The following ASAP1 variants were observed in gnomAD, a reference collection of about 807,000 sequenced individuals.
ASAP1 encodes arf-GAP with SH3 domain, ANK repeat and PH domain-containing protein 1.
Under a neutral mutation model 145.2 loss-of-function variants are expected in ASAP1, and 43 were observed. The observed-to-expected ratio is 0.30, with a 90% CI of 0.23 to 0.38. The LOEUF (loss-of-function observed/expected upper bound fraction) is 0.38. ASAP1 is among the 10% of genes least tolerant of loss of function. The pLI, the probability that ASAP1 is intolerant of heterozygous loss-of-function variation, is 1.00. For synonymous variants in ASAP1, 546 were observed against 515.5 expected, an observed-to-expected ratio of 1.06 and a Z score of -0.80; for missense variants, 1,018 against 1,355.3, an observed-to-expected ratio of 0.75 and a Z score of 3.91.
At chr8:130,338,216 G>A (rs956674668) in intron 3 of ASAP1, among the ~76,000 whole-genome samples, 4 of 152,286 alleles carry the variant, frequency 2.6e-5, no homozygotes, top group South Asian at 2.1e-4. Flanking sequence ...AGGTGATGCT[G>A]GCAGCAGATG....
chr8:130,363,346 C>T (rs1041003876), intron 2 of ASAP1, among the ~76,000 whole-genome samples: 7 of 151,776 alleles, frequency 4.6e-5, no homozygotes, highest in African/African-American at 9.7e-5. Context: ...GACAACATGG[C>T]GAGACTGCAT....
intron 3 of ASAP1, among the ~76,000 whole-genome samples, chr8:130,248,961 C>CA (rs1046132665): frequency 6.6e-6 from 1 of 152,092 alleles, no homozygotes; most frequent in African/African-American, 2.4e-5. Context: ...ACAGGGGTCT[C>CA]ACTATGTTAA....
chr8:130,347,739 G>A (rs546881450), intron 3 of ASAP1, among the ~76,000 whole-genome samples: 7 of 152,278 alleles, frequency 4.6e-5, no homozygotes, highest in East Asian at 1.9e-4. Flanking sequence ...AGATATCCTC[G>A]CCTCAGAATC....
intron 24 of ASAP1, among the ~76,000 whole-genome samples, chr8:130,104,041 C>T (rs2097533065): frequency 6.6e-6 from 1 of 152,136 alleles, no homozygotes; most frequent in African/African-American, 2.4e-5. Flanking sequence ...ATTACAGCTA[C>T]AATTTCTCTT....
intron 1 of ASAP1, among the ~76,000 whole-genome samples, chr8:130,405,327 T>A (rs7812469): frequency 3.3e-5 from 5 of 152,024 alleles, no homozygotes. Context: ...AGACAGTGTG[T>A]GGCAGAACTA....
rs1057330700 is a variant in ASAP1 at position 130,241,891 on chromosome 8, A to G, written c.187-4897T>C. ...ACTTTCTAAATCTATGGCACTTTCT[A>G]TATACTCAAGTGGGAAAATTGCTTT... On this transcript the variant is annotated intron_variant, in intron 3 of 29. Coordinates refer to ENST00000518721, the MANE Select transcript of ASAP1 (RefSeq NM_018482.4). 3.0e-4 allele frequency among the ~76,000 whole-genome samples: 45 copies of G among 152,256 alleles called. 1 individual carries two copies. The highest frequency in any genetic ancestry group is 9.6e-4 in the African/African-American group (40 of 41,562).
intron 26 of ASAP1, 68 bp downstream of exon 26, chr8:130,079,834 C>A (rs951055590): frequency 2.0e-6 from 3 of 1,510,138 alleles, no homozygotes; most frequent in African/African-American, 2.7e-5. Context: ...CATGAAAACT[C>A]ATTTCTAGAA....
At chr8:130,290,381 A>T (rs981994691) in intron 3 of ASAP1, among the ~76,000 whole-genome samples, 5 of 152,290 alleles carry the variant, frequency 3.3e-5, no homozygotes, top group Admixed American at 1.3e-4. Flanking sequence ...AATGTTCAGA[A>T]CTCGTTAAGC....
intron 3 of ASAP1, among the ~76,000 whole-genome samples, chr8:130,251,130 A>T (rs966909454): frequency 1.8e-4 from 27 of 152,332 alleles, no homozygotes; most frequent in East Asian, 9.6e-4. Flanking sequence ...TAAATTTTTT[A>T]AAATGGGCCA....
intron 2 of ASAP1, among the ~76,000 whole-genome samples, chr8:130,376,725 A>AAAAT (rs1187635921): frequency 1.1e-4 from 17 of 151,776 alleles, no homozygotes; most frequent in African/African-American, 2.7e-4. Flanking sequence ...ACTCTGTCTC[A>AAAAT]AAATAAATAA....
chr8:130,413,289 A>G (rs1586999913), intron 1 of ASAP1, among the ~76,000 whole-genome samples: 1 of 152,192 alleles, frequency 6.6e-6, no homozygotes, highest in Admixed American at 6.5e-5. Flanking sequence ...CACTAACAAG[A>G]CCAGCCTCGC....
At chr8:130,282,377 A>G (rs1821304698) in intron 3 of ASAP1, among the ~76,000 whole-genome samples, 1 of 152,234 alleles carries the variant, frequency 6.6e-6, no homozygotes, top group Non-Finnish European at 1.5e-5. Flanking sequence ...TTGCATTTGT[A>G]TATTAATTCC....
chr8:130,072,824 T>TGTGTGTGTGTGG, intron 27 of ASAP1, among the ~76,000 whole-genome samples: 1 of 32,282 alleles, frequency 3.1e-5, no homozygotes, highest in African/African-American at 1.2e-4. Context: ...TGTGTGTGTG[T>TGTGTGTGTGTGG]GCGCGCGGGG....
intron 7 of ASAP1, 57 bp downstream of exon 7, chr8:130,187,177 TCC>T: frequency 6.9e-7 from 1 of 1,453,132 alleles, no homozygotes; most frequent in Non-Finnish European, 9.4e-7. Flanking sequence ...TTTTTTGTTG[TCC>T]AAAATTCACA....
intron 3 of ASAP1, among the ~76,000 whole-genome samples, chr8:130,282,102 A>C (rs1821289094): frequency 6.6e-6 from 1 of 151,784 alleles, no homozygotes; most frequent in South Asian, 2.1e-4. Flanking sequence ...CATGGCAAAA[A>C]TCGCAATTAC....
intron 1 of ASAP1, among the ~76,000 whole-genome samples, chr8:130,425,994 A>G (rs543894614): frequency 2.0e-5 from 3 of 152,330 alleles, no homozygotes; most frequent in Admixed American, 2.0e-4. Context: ...ATTTGCAGAC[A>G]GCAAATACTG....
At chr8:130,359,495 T>G (rs1015144270) in intron 2 of ASAP1, among the ~76,000 whole-genome samples, 2 of 152,086 alleles carry the variant, frequency 1.3e-5, no homozygotes, top group Non-Finnish European at 2.9e-5. Context: ...GATTGGTACC[T>G]GTAATTCAAG....
intron 27 of ASAP1, among the ~76,000 whole-genome samples, chr8:130,073,463 G>A (rs1017983751): frequency 3.9e-5 from 6 of 152,068 alleles, no homozygotes; most frequent in African/African-American, 1.4e-4. Context: ...GTTTGGATGA[G>A]TTAAGGAGTA....
intron 3 of ASAP1, among the ~76,000 whole-genome samples, chr8:130,349,906 G>A (rs1825902407): frequency 6.6e-6 from 1 of 152,174 alleles, no homozygotes; most frequent in South Asian, 2.1e-4. Context: ...CCTTACTCAT[G>A]TTTAAGTAAT....
Sources: gnomAD v4.1 joint callset for allele counts (sites outside exome capture counted in the v4.1 genomes callset) on GRCh38, gnomAD v4.1.1 for gene constraint, MANE v1.5 for transcripts, NCBI Gene and HGNC (gene_info 2026-07-23, HGNC 2026-07-21) for gene names.